The following DAB1 variants were observed in gnomAD, a reference collection of about 807,000 sequenced individuals.
DAB1 encodes disabled homolog 1.
DAB1 carries 15 observed loss-of-function variants against 64.6 expected under a neutral mutation model. The observed-to-expected ratio is 0.23, with a 90% CI of 0.16 to 0.36. The LOEUF (loss-of-function observed/expected upper bound fraction) is 0.36. Ranked by LOEUF, DAB1 falls within the 10% of genes least tolerant of loss-of-function variation. The pLI, the probability that DAB1 is intolerant of heterozygous loss-of-function variation, is 1.00. For synonymous variants in DAB1, 235 were observed against 251.9 expected (o/e 0.93, Z 0.64); for missense variants, 596 against 706.7 (o/e 0.84, Z 1.78).
intron 4 of DAB1, among the ~76,000 whole-genome samples, chr1:58,323,975 A>T (rs1662759258): frequency 6.6e-6 from 1 of 151,012 alleles, no homozygotes; most frequent in Non-Finnish European, 1.5e-5. Flanking sequence ...GGTAACCATC[A>T]ATTAAAAAAA....
intron 5 of DAB1, among the ~76,000 whole-genome samples, chr1:58,023,347 T>C (rs1363245021): frequency 1.3e-5 from 2 of 152,118 alleles, no homozygotes; most frequent in Non-Finnish European, 2.9e-5. Flanking sequence ...GGTTGTATAA[T>C]TGTCTCTTCA....
intron 5 of DAB1, among the ~76,000 whole-genome samples, chr1:57,916,259 C>A (rs570351027): frequency 1.3e-5 from 2 of 152,162 alleles, no homozygotes; most frequent in Non-Finnish European, 2.9e-5. Context: ...CAGTGGCCAG[C>A]CCTCCTCTCT....
At chr1:57,561,930 A>G (rs1410673997) in intron 7 of DAB1, among the ~76,000 whole-genome samples, 1 of 152,226 alleles carries the variant, frequency 6.6e-6, no homozygotes, top group Non-Finnish European at 1.5e-5. Flanking sequence ...CCTCACTGGA[A>G]TAGACACTTA....
At chr1:57,224,018 G>C (rs534451311) in intron 2 of DAB1, among the ~76,000 whole-genome samples, 19 of 152,090 alleles carry the variant, frequency 1.2e-4, no homozygotes, top group Non-Finnish European at 2.5e-4. Context: ...TTCCTTTGTT[G>C]CCCTTCCAAA....
rs966835975 is a variant in DAB1 at position 57,145,183 on chromosome 1, A to G, written c.207+107T>C. 27 of 1,146,310 alleles carry G rather than the reference A, an allele frequency of 2.4e-5. No homozygotes were observed. In the African/African-American group the frequency reaches 4.1e-4, roughly 17 times the overall value. The allele number at this position is 1,146,310 out of a possible 1,614,324, so 71.0% of individuals were successfully genotyped here. The stretch of plus-strand genomic sequence containing the variant: ...ATGGTGATTCAACAGTAAGCCAAGT[A>G]ATTTACCAATAAATGAATAAAGTTA... On this transcript the variant is annotated intron_variant, in intron 3 of 14. Transcript: ENST00000371236.
intron 1 of DAB1, among the ~76,000 whole-genome samples, chr1:57,297,869 C>T (rs888573017): frequency 6.6e-6 from 1 of 152,100 alleles, no homozygotes; most frequent in Non-Finnish European, 1.5e-5. Flanking sequence ...GTTCTGATTC[C>T]ACCTCCACCC....
intron 4 of DAB1, among the ~76,000 whole-genome samples, chr1:57,090,289 G>A (rs549212479): frequency 2.0e-5 from 3 of 152,296 alleles, no homozygotes; most frequent in South Asian, 2.1e-4. Flanking sequence ...TGAAGGGAAT[G>A]TTTCTTTCAC....
chr1:57,100,626 T>C (rs1201505623), intron 4 of DAB1, among the ~76,000 whole-genome samples: 9 of 152,262 alleles, frequency 5.9e-5, no homozygotes, highest in Non-Finnish European at 1.0e-4. Context: ...AAACACAATA[T>C]ATTCAAGGGG....
intron 3 of DAB1, among the ~76,000 whole-genome samples, chr1:57,142,693 A>ATGTT (rs1658732166): frequency 6.6e-6 from 1 of 151,758 alleles, no homozygotes; most frequent in Non-Finnish European, 1.5e-5. Flanking sequence ...GCTTGGGCCA[A>ATGTT]TGTTAATCCT....
chr1:57,675,594 T>C (rs1196270432), intron 6 of DAB1, among the ~76,000 whole-genome samples: 1 of 152,176 alleles, frequency 6.6e-6, no homozygotes, highest in Non-Finnish European at 1.5e-5. Flanking sequence ...AGAAGCGAAA[T>C]GAAGCATTGA....
chr1:58,201,680 A>T (rs538037627), intron 4 of DAB1, among the ~76,000 whole-genome samples: 2 of 152,312 alleles, frequency 1.3e-5, no homozygotes, highest in East Asian at 3.9e-4. Flanking sequence ...GCACTGGGGG[A>T]TTCCTGGCAG....
At chr1:57,833,896 G>C (rs1394575542) in intron 1 of DAB1, among the ~76,000 whole-genome samples, 2 of 152,208 alleles carry the variant, frequency 1.3e-5, no homozygotes, top group Non-Finnish European at 2.9e-5. Context: ...AAGCCCTCAG[G>C]AACAATCTGA....
intron 1 of DAB1, among the ~76,000 whole-genome samples, chr1:57,845,813 C>G (rs1406509203): frequency 6.6e-6 from 1 of 152,128 alleles, no homozygotes; most frequent in Non-Finnish European, 1.5e-5. Flanking sequence ...ATCTGCCTTC[C>G]TATAACTTTT....
At chr1:57,482,477 TAAAAAAAAAAAAA>T (rs918167439) in intron 7 of DAB1, among the ~76,000 whole-genome samples, 3 of 61,184 alleles carry the variant, frequency 4.9e-5, no homozygotes, top group Admixed American at 2.0e-4. Context: ...CTGAAAGTTG[TAAAAAAAAAAAAA>T]AAAAAAAAAA....
chr1:58,411,436 G>A (rs914565757), intron 3 of DAB1, among the ~76,000 whole-genome samples: 30 of 152,126 alleles, frequency 2.0e-4, no homozygotes, highest in Non-Finnish European at 4.4e-5. Context: ...AGTGATATAC[G>A]CAAGTAAACA....
intron 4 of DAB1, among the ~76,000 whole-genome samples, chr1:58,183,923 G>A (rs1305922027): frequency 6.6e-6 from 1 of 151,526 alleles, no homozygotes; most frequent in Non-Finnish European, 1.5e-5. Context: ...CTTGTGACTT[G>A]CAACCATTAT....
rs1365127730 is a variant in DAB1, at chr1:58,463,197, AAG to A, written n.257+42861_257+42862del. Among the ~76,000 whole-genome samples, 7 of 152,302 alleles carry A rather than the reference AAG, an allele frequency of 4.6e-5. No homozygotes were observed. The South Asian group carries it at 1.5e-3, about 32-fold the overall frequency. On this transcript the variant is annotated intron_variant and non_coding_transcript_variant, in intron 3 of 20. Coordinates refer to the DAB1 transcript ENST00000485760. ...CACAGATCAATGTTGCTGAAGTGAA[AAG>A]AGAGAGATTTAATTACGTTGAGCCT... is the stretch of plus-strand genomic sequence containing the variant.
At chr1:58,376,619 T>A (rs1371002270) in intron 3 of DAB1, among the ~76,000 whole-genome samples, 2 of 147,146 alleles carry the variant, frequency 1.4e-5, no homozygotes, top group African/African-American at 5.1e-5. Context: ...AATTTTTGAA[T>A]AGGTGTGGTG....
At chr1:57,489,143 C>T (rs1644130384) in intron 7 of DAB1, among the ~76,000 whole-genome samples, 1 of 152,160 alleles carries the variant, frequency 6.6e-6, no homozygotes, top group South Asian at 2.1e-4. Flanking sequence ...ATGCTTTTGC[C>T]ACTCCATCAT....
Sources: gnomAD v4.1 joint callset for allele counts (sites outside exome capture counted in the v4.1 genomes callset) on GRCh38, gnomAD v4.1.1 for gene constraint, MANE v1.5 for transcripts, NCBI Gene and HGNC (gene_info 2026-07-23, HGNC 2026-07-21) for gene names.